The following ZSCAN5C variants were observed in gnomAD, a reference collection of about 807,000 sequenced individuals.
ZSCAN5C encodes the protein zinc finger and SCAN domain-containing protein 5C.
A neutral mutation model predicts 17.3 loss-of-function variants in ZSCAN5C; 11 were observed. The ratio of observed to expected loss-of-function variants is 0.64; its 90% CI spans 0.40 to 1.06. The LOEUF (loss-of-function observed/expected upper bound fraction) is 1.06, where lower values mean the gene tolerates loss of function less well. Ranked by LOEUF, ZSCAN5C falls within the 50% of genes least tolerant of loss-of-function variation. The pLI is 0.00. For synonymous variants in ZSCAN5C, 229 were observed against 208.4 expected (o/e 1.10, Z -0.85); for missense variants, 698 against 538.9 (o/e 1.30, Z -2.92).
At chr19:56,207,503 G>A (rs1351021561) in intron 3 of ZSCAN5C, among the ~76,000 whole-genome samples, 1 of 151,508 alleles carries the variant, frequency 6.6e-6, no homozygotes, top group Admixed American at 6.6e-5. Context: ...TGGTCTCGGT[G>A]AAATAACGGA....
Position 56,205,768 on chromosome 19 carries a change from A to G in ZSCAN5C, c.-127-19A>G, listed in dbSNP as rs1197657057. 10 of 587,652 alleles carry G rather than the reference A, an allele frequency of 1.7e-5. No homozygotes were observed. The highest frequency in any genetic ancestry group is 1.1e-4 in the East Asian group (4 of 36,090). The allele number at this position is 587,652 out of a possible 1,614,324, so 36.4% of individuals were successfully genotyped here. On this transcript the variant is annotated intron_variant, in intron 1 of 4. Coordinates refer to ENST00000534327, the Ensembl canonical transcript of ZSCAN5C. ...TAGAGTAGAAACTTTAACAGAGCTC[A>G]TGCTTTTTTTCCCTGCAGACTTCTG...
At chr19:56,206,004 A>G in exon 2 of ZSCAN5C, 2 of 1,606,510 alleles carry the variant, frequency 1.2e-6, no homozygotes, top group Non-Finnish European at 1.7e-6. Context: ...ATCCCCAGCA[A>G]CTCAACTTGG....
At chr19:56,207,195 C>G (rs545734392) in exon 3 of ZSCAN5C, 3 of 777,858 alleles carry the variant, frequency 3.9e-6, no homozygotes, top group Non-Finnish European at 7.2e-6. Flanking sequence ...CAGATGTGTC[C>G]GGAGGAAGGC....
At chr19:56,208,334 T>C in intron 4 of ZSCAN5C, 115 bp from the exon 5 acceptor site, 1 of 761,964 alleles carries the variant, frequency 1.3e-6, no homozygotes, top group East Asian at 2.5e-5. Context: ...CAGTCCAATG[T>C]CTTAGGTTTA....
intron 1 of ZSCAN5C, among the ~76,000 whole-genome samples, chr19:56,205,455 T>C (rs1262357593): frequency 1.3e-5 from 2 of 151,994 alleles, no homozygotes; most frequent in African/African-American, 4.8e-5. Context: ...ACATAAAGAA[T>C]TGACATGATT....
intron 3 of ZSCAN5C, among the ~76,000 whole-genome samples, chr19:56,207,778 C>A (rs1347603085): frequency 6.6e-6 from 1 of 151,664 alleles, no homozygotes; most frequent in Non-Finnish European, 1.5e-5. Flanking sequence ...CAGGAGCGCC[C>A]CCTCCAGGAG....
intron 3 of ZSCAN5C, 124 bp from the exon 4 acceptor site, chr19:56,207,910 C>A: frequency 3.3e-6 from 2 of 609,424 alleles, no homozygotes; most frequent in Non-Finnish European, 5.8e-6. Flanking sequence ...CCCAGAGAAC[C>A]AAACAGTGAA....
exon 2 of ZSCAN5C, chr19:56,205,823 A>G: frequency 1.6e-6 from 1 of 621,194 alleles, no homozygotes; most frequent in Non-Finnish European, 2.9e-6. Flanking sequence ...ACTGAGAAAA[A>G]CCAGGGGTGG....
chr19:56,203,640 A>ATTTTT (rs564406569), intron 1 of ZSCAN5C, among the ~76,000 whole-genome samples: 11 of 86,822 alleles, frequency 1.3e-4, no homozygotes, highest in South Asian at 3.8e-4. Flanking sequence ...TCTACTGGGA[A>ATTTTT]TTTTTTTTTT....
intron 1 of ZSCAN5C, among the ~76,000 whole-genome samples, chr19:56,205,555 A>G (rs1007369630): frequency 2.0e-5 from 3 of 151,912 alleles, no homozygotes; most frequent in African/African-American, 7.3e-5. Context: ...AAACCAATTC[A>G]GCCTTTGCAC....
intron 1 of ZSCAN5C, among the ~76,000 whole-genome samples, chr19:56,205,149 A>G (rs1396621673): frequency 2.0e-5 from 3 of 151,828 alleles, no homozygotes; most frequent in Non-Finnish European, 4.4e-5. Context: ...GGAGCTAGAA[A>G]CTAGACAGTG....
intron 2 of ZSCAN5C, 128 bp downstream of exon 2, chr19:56,206,425 C>G: frequency 2.9e-6 from 4 of 1,373,886 alleles, no homozygotes; most frequent in Non-Finnish European, 3.9e-6. Context: ...AGAGTTTGCC[C>G]ATCAGGGACA....
exon 2 of ZSCAN5C, chr19:56,206,046 G>T: frequency 6.2e-7 from 1 of 1,613,220 alleles, no homozygotes. Flanking sequence ...GACTTGTCAC[G>T]TGAACTTCAG....
intron 1 of ZSCAN5C, among the ~76,000 whole-genome samples, chr19:56,204,132 C>T (rs1471056652): frequency 2.0e-4 from 31 of 151,920 alleles, no homozygotes; most frequent in South Asian, 4.2e-4. Context: ...GTGAGGATAG[C>T]AACCAATAGG....
chr19:56,206,370 A>G, intron 2 of ZSCAN5C, 73 bp downstream of exon 2: 1 of 1,428,302 alleles, frequency 7.0e-7, no homozygotes, highest in Non-Finnish European at 9.4e-7. Context: ...GCTGGACTCG[A>G]GAGGACCCGA....
chr19:56,202,834 T>C (rs892976946), intron 1 of ZSCAN5C, among the ~76,000 whole-genome samples: 1 of 151,992 alleles, frequency 6.6e-6, no homozygotes, highest in African/African-American at 2.4e-5. Flanking sequence ...GAATTACAGG[T>C]GTGAGCCACC....
At chr19:56,202,531 G>C (rs770715650) in intron 1 of ZSCAN5C, among the ~76,000 whole-genome samples, 6 of 151,842 alleles carry the variant, frequency 4.0e-5, no homozygotes, top group Admixed American at 2.0e-4. Context: ...ATTCTGACTT[G>C]TTATATAACT....
rs138336861 is a variant in ZSCAN5C at position 56,208,490 on chromosome 19, A to G, written c.781A>G (p.Arg261Gly). The G allele has an allele frequency of 1.3e-3, 2,049 of 1,521,386 alleles. 77 individuals carry two copies. In the African/African-American group the frequency reaches 0.025, roughly 19 times the overall value. 94.2% of individuals were successfully genotyped at this position (1,521,386 alleles called of 1,614,324 possible). ...AAAGGAGGGGAAGGAACCCCAAAAA[A>G]GAGCCTCTGTGGAAAATGTGGATGC... Residue 261 changes from arginine (R) to glycine (G), a missense_variant, in exon 5 of 5, where the codon AGA becomes GGA. Arg to Gly is a moderately radical substitution (Grantham distance 125). This residue lies in a region of ZSCAN5C where 554 missense variants were observed against 390.5 expected (regional missense o/e 1.42). Coordinates refer to ENST00000534327, the Ensembl canonical transcript of ZSCAN5C.
exon 5 of ZSCAN5C, chr19:56,208,680 C>A (rs751714974): frequency 1.2e-6 from 2 of 1,612,500 alleles, no homozygotes; most frequent in East Asian, 2.2e-5. Context: ...AACAGAGAAT[C>A]CCCGGGACAA....
Sources: allele counts gnomAD v4.1 joint callset (sites outside exome capture counted in the v4.1 genomes callset), GRCh38; gene constraint gnomAD v4.1.1; regional missense constraint gnomAD v4.1.1; transcripts MANE v1.5; gene names NCBI Gene and HGNC (gene_info 2026-07-23, HGNC 2026-07-21).